CPED1: variants seen among roughly 807,000 people sequenced by gnomAD.
CPED1 encodes the protein cadherin-like and PC-esterase domain-containing protein 1.
CPED1 carries 114 observed loss-of-function variants against 128.2 expected under a neutral mutation model. That is an observed-to-expected ratio of 0.89 (90% CI 0.76 to 1.04). The LOEUF is 1.04. CPED1 is among the 50% of genes least tolerant of loss of function. CPED1 has a pLI of 0.00. For missense variants in CPED1, 1,211 were observed against 1,207.1 expected (o/e 1.00, Z -0.05); for synonymous variants, 462 against 426.7 (o/e 1.08, Z -1.02).
intron 4 of CPED1, chr7:121,050,957 G>T (rs1793336258): frequency 4.0e-6 from 2 of 503,064 alleles, no homozygotes; most frequent in African/African-American, 3.9e-5. Flanking sequence ...GAGCCCAAGA[G>T]GAGATTGGCG....
chr7:121,269,273 G>T (rs1792190078), intron 21 of CPED1, among the ~76,000 whole-genome samples: 1 of 151,946 alleles, frequency 6.6e-6, no homozygotes, highest in Non-Finnish European at 1.5e-5. Context: ...TTCTGTTCCT[G>T]CATTATTTAG....
chr7:121,115,067 G>C (rs934287182), intron 7 of CPED1, among the ~76,000 whole-genome samples: 1 of 152,118 alleles, frequency 6.6e-6, no homozygotes, highest in Non-Finnish European at 1.5e-5. Context: ...TATGAGCAGG[G>C]GACTGACATG....
intron 16 of CPED1, among the ~76,000 whole-genome samples, chr7:121,209,428 T>C (rs917397972): frequency 1.3e-5 from 2 of 152,110 alleles, no homozygotes; most frequent in African/African-American, 4.8e-5. Flanking sequence ...TTGCTTCACA[T>C]ATTTTTATAG....
chr7:121,067,071 G>A (rs1793847158), intron 5 of CPED1, among the ~76,000 whole-genome samples: 1 of 151,850 alleles, frequency 6.6e-6, no homozygotes, highest in Non-Finnish European at 1.5e-5. Context: ...ACAGGGGGTG[G>A]GGTGCAGTCC....
At chr7:121,228,815 T>C (rs1798076198) in intron 16 of CPED1, among the ~76,000 whole-genome samples, 1 of 151,972 alleles carries the variant, frequency 6.6e-6, no homozygotes, top group Non-Finnish European at 1.5e-5. Context: ...AAAATGAAAT[T>C]ACTTTATTTG....
intron 3 of CPED1, among the ~76,000 whole-genome samples, chr7:121,045,070 G>A (rs1002935552): frequency 6.6e-6 from 1 of 152,148 alleles, no homozygotes; most frequent in African/African-American, 2.4e-5. Context: ...GGATGAAAAA[G>A]CCAGGTGCAC....
intron 12 of CPED1, 101 bp from the exon 13 acceptor site, chr7:121,133,722 G>T: frequency 1.3e-6 from 1 of 747,528 alleles, no homozygotes; most frequent in Non-Finnish European, 2.2e-6. Flanking sequence ...GTTCATCAAA[G>T]TAACTGTGCC....
At chr7:121,052,981 A>T (rs936642845) in intron 4 of CPED1, among the ~76,000 whole-genome samples, 1 of 152,122 alleles carries the variant, frequency 6.6e-6, no homozygotes, top group African/African-American at 2.4e-5. Context: ...GACCTCCCAA[A>T]GTGCTGGGAT....
intron 7 of CPED1, among the ~76,000 whole-genome samples, chr7:121,116,430 A>G (rs749924465): frequency 2.6e-5 from 4 of 152,234 alleles, no homozygotes; most frequent in Non-Finnish European, 5.9e-5. Flanking sequence ...TTTAGTTAAC[A>G]TGAATTTTTT....
rs574628712 is a variant in CPED1, at chr7:121,053,827, T to C, written c.540+6834T>C. Among the ~76,000 whole-genome samples, 3 of 152,338 alleles carry C rather than the reference T, an allele frequency of 2.0e-5. No individual in the cohort carries two copies. In the South Asian group the frequency reaches 6.2e-4, roughly 32 times the overall value. ...TATGTCAGTATGGACTAATGGATAT[T>C]TGTTGTATTCTATAGGTTATAAATC... is the stretch of plus-strand genomic sequence containing the variant. On this transcript the variant is annotated intron_variant, in intron 4 of 22. Coordinates refer to ENST00000310396, the MANE Select transcript of CPED1 (RefSeq NM_024913.5).
At chr7:121,003,542 A>G (rs1791922455) in intron 2 of CPED1, among the ~76,000 whole-genome samples, 1 of 152,208 alleles carries the variant, frequency 6.6e-6, no homozygotes, top group Non-Finnish European at 1.5e-5. Context: ...TTTTGATTGT[A>G]GGAGCAAGAA....
At chr7:121,204,640 A>C (rs142623532) in intron 16 of CPED1, among the ~76,000 whole-genome samples, 39 of 152,214 alleles carry the variant, frequency 2.6e-4, no homozygotes, top group African/African-American at 9.4e-4. Context: ...CAATGATCCA[A>C]AAAGGAGAGG....
intron 3 of CPED1, among the ~76,000 whole-genome samples, chr7:121,040,263 T>C (rs931167508): frequency 2.6e-5 from 4 of 152,144 alleles, no homozygotes; most frequent in African/African-American, 9.6e-5. Flanking sequence ...TCTCTTAAAT[T>C]TAATTCTGAA....
At chr7:121,231,228 G>A (rs1225444429) in intron 16 of CPED1, among the ~76,000 whole-genome samples, 1 of 152,068 alleles carries the variant, frequency 6.6e-6, no homozygotes, top group Admixed American at 6.6e-5. Flanking sequence ...AAGTAGAAGA[G>A]AATGAGATGA....
intron 3 of CPED1, among the ~76,000 whole-genome samples, chr7:121,021,907 G>A (rs924586854): frequency 6.6e-6 from 1 of 152,068 alleles, no homozygotes; most frequent in African/African-American, 2.4e-5. Flanking sequence ...TGCTGCTGTT[G>A]GATGTTATTA....
At chr7:121,122,576 C>T (rs887175262) in intron 7 of CPED1, among the ~76,000 whole-genome samples, 1 of 152,136 alleles carries the variant, frequency 6.6e-6, no homozygotes, top group African/African-American at 2.4e-5. Context: ...TGTTATTAAT[C>T]CCACAAAGTC....
chr7:121,088,836 T>G (rs1328704485), intron 5 of CPED1, among the ~76,000 whole-genome samples: 1 of 145,708 alleles, frequency 6.9e-6, no homozygotes, highest in Non-Finnish European at 1.5e-5. Flanking sequence ...AGACCAGCAA[T>G]TATTTAGCAC....
chr7:121,115,339 A>G (rs975452127), intron 7 of CPED1, among the ~76,000 whole-genome samples: 1 of 152,210 alleles, frequency 6.6e-6, no homozygotes, highest in African/African-American at 2.4e-5. Flanking sequence ...GGTGTGAGAA[A>G]ACAGCAGAGA....
chr7:121,177,715 G>A (rs1174561298), intron 16 of CPED1, among the ~76,000 whole-genome samples: 2 of 151,988 alleles, frequency 1.3e-5, no homozygotes, highest in African/African-American at 4.8e-5. Flanking sequence ...TTCTGAAGTG[G>A]TCTTTAAGTT....
Sources: allele counts gnomAD v4.1 joint callset (sites outside exome capture counted in the v4.1 genomes callset), GRCh38; gene constraint gnomAD v4.1.1; transcripts MANE v1.5; gene names NCBI Gene and HGNC (gene_info 2026-07-23, HGNC 2026-07-21).